Variants in DMD observed in about 807,000 individuals in gnomAD.
The protein encoded by DMD is mutant dystrophin.
In DMD, 63 loss-of-function variants were observed where a neutral mutation model predicts 330.1. The observed-to-expected ratio is 0.19, with a 90% CI of 0.16 to 0.24. The LOEUF is 0.24. DMD is among the 10% of genes least tolerant of loss of function. The pLI is 1.00. For missense variants in DMD, 3,344 were observed against 2,684.1 expected (o/e 1.25, Z -5.43); for synonymous variants, 1,223 against 959.8 (o/e 1.27, Z -5.07).
At chrX:32,079,868 G>A (rs1032214902) in intron 44 of DMD, among the ~76,000 whole-genome samples, 4 of 111,806 alleles carry the variant, frequency 3.6e-5, no homozygotes, top group Admixed American at 2.9e-4. Context: ...AAAATTGCAC[G>A]TCCTGTAATA....
chrX:33,093,954 C>T (rs1474174160), intron 1 of DMD, among the ~76,000 whole-genome samples: 1 of 111,343 alleles, frequency 9.0e-6, no homozygotes, highest in African/African-American at 3.3e-5. Flanking sequence ...AAGTTCAGAA[C>T]ATCAAAAAGA....
chrX:32,787,319 C>CT (rs758315208), intron 7 of DMD, among the ~76,000 whole-genome samples: 3 of 107,451 alleles, frequency 2.8e-5, no homozygotes, highest in Non-Finnish European at 3.8e-5. Context: ...TAGTATAAAT[C>CT]TTTTATGAAA....
intron 48 of DMD, 78 bp downstream of exon 48, chrX:31,875,110 A>T: frequency 1.1e-6 from 1 of 891,406 alleles, no homozygotes; most frequent in Non-Finnish European, 1.6e-6. Context: ...TTTAATAATG[A>T]TACCAAATGA....
intron 53 of DMD, 80 bp from the exon 54 acceptor site, chrX:31,658,224 T>C (rs1285464152): frequency 1.9e-6 from 2 of 1,049,050 alleles, no homozygotes; most frequent in Non-Finnish European, 1.3e-6. Flanking sequence ...AAATACTTCG[T>C]AAACAGCTTC....
intron 60 of DMD, among the ~76,000 whole-genome samples, chrX:31,372,671 C>T (rs1044115608): frequency 2.7e-5 from 3 of 111,276 alleles, no homozygotes; most frequent in Non-Finnish European, 3.8e-5. Flanking sequence ...TGGGACATAT[C>T]TCAAAATAAT....
chrX:32,451,846 G>A (rs186954540), intron 26 of DMD, among the ~76,000 whole-genome samples: 2 of 110,616 alleles, frequency 1.8e-5, no homozygotes, highest in East Asian at 2.9e-4. Context: ...AAATCTTCCT[G>A]CCAACTCTTC....
intron 44 of DMD, among the ~76,000 whole-genome samples, chrX:32,128,249 A>C (rs980553279): frequency 8.9e-6 from 1 of 112,210 alleles, no homozygotes; most frequent in African/African-American, 3.2e-5. Flanking sequence ...TCAATAAAAC[A>C]TGTTTGTTTA....
intron 64 of DMD, among the ~76,000 whole-genome samples, chrX:31,212,562 T>C (rs1185428555): frequency 4.5e-5 from 5 of 111,566 alleles, no homozygotes; most frequent in African/African-American, 1.6e-4. Context: ...AAAAGCTCAT[T>C]CTTTTCCTTT....
intron 16 of DMD, among the ~76,000 whole-genome samples, chrX:32,554,108 A>G (rs1277426604): frequency 8.9e-6 from 1 of 112,369 alleles, no homozygotes; most frequent in Non-Finnish European, 1.9e-5. Flanking sequence ...GAGACAATTT[A>G]TCAGAATCTC....
At position 32,485,011 on chromosome X, in the gene DMD, G is replaced by T; in HGVS notation, c.2711C>A (p.Pro904His). 4 of 1,211,081 alleles carry T rather than the reference G, an allele frequency of 3.3e-6. No homozygotes were observed. Among genetic ancestry groups the T allele is most frequent in the Non-Finnish European group, 4.5e-6 (4 of 895,019 alleles). The change falls in exon 21 of 79, where the codon CCC becomes CAC. Residue 904 changes from proline to histidine, a missense_variant. Coordinates refer to ENST00000357033, the MANE Select transcript of DMD (RefSeq NM_004006.3). ...CACAAAGTCTGCATCCAGGAACATG[G>T]GTCCTTGTCCTTTCTCTTTCAGGGC... ...SIALKEKGQG[P>H]MFLDADFVAF...
chrX:31,319,730 T>A (rs1271120075), intron 62 of DMD, among the ~76,000 whole-genome samples: 1 of 112,474 alleles, frequency 8.9e-6, no homozygotes, highest in Non-Finnish European at 1.9e-5. Context: ...TATTATGACA[T>A]CTATACTGGA....
At chrX:31,158,995 T>G (rs902611268) in intron 74 of DMD, among the ~76,000 whole-genome samples, 3 of 111,920 alleles carry the variant, frequency 2.7e-5, no homozygotes, top group Non-Finnish European at 5.6e-5. Context: ...TAAGGGATTT[T>G]GGGAAAGAAA....
intron 52 of DMD, among the ~76,000 whole-genome samples, chrX:31,728,317 G>A (rs1292207800): frequency 3.6e-5 from 4 of 112,255 alleles, no homozygotes; most frequent in Non-Finnish European, 5.6e-5. Flanking sequence ...GAGCCACCGC[G>A]CCCGGCCGAG....
chrX:33,235,110 A>G (rs1335170343), intron 1 of DMD, among the ~76,000 whole-genome samples: 1 of 111,970 alleles, frequency 8.9e-6, no homozygotes, highest in East Asian at 2.8e-4. Context: ...AACTAAGAGA[A>G]TTACGTTAAG....
chrX:32,137,264 C>T (rs1313989642), intron 44 of DMD, among the ~76,000 whole-genome samples: 1 of 110,577 alleles, frequency 9.0e-6, no homozygotes, highest in Non-Finnish European at 1.9e-5. Context: ...GCCTCCTTTA[C>T]AAAAAAAAGT....
intron 41 of DMD, among the ~76,000 whole-genome samples, chrX:32,324,824 G>A (rs1450670772): frequency 9.0e-6 from 1 of 111,682 alleles, no homozygotes; most frequent in East Asian, 2.8e-4. Context: ...TGTGCACACT[G>A]GAAAAAGCAT....
At chrX:33,162,747 T>A (rs886183550) in intron 1 of DMD, among the ~76,000 whole-genome samples, 1 of 110,396 alleles carries the variant, frequency 9.1e-6, no homozygotes, top group Non-Finnish European at 1.9e-5. Flanking sequence ...CTGATCTCTG[T>A]TTTTATGCTG....
chrX:32,841,785 G>C (rs999001662), intron 4 of DMD, among the ~76,000 whole-genome samples: 5 of 111,531 alleles, frequency 4.5e-5, no homozygotes, highest in Non-Finnish European at 7.5e-5. Flanking sequence ...GCTTTGGGTA[G>C]GCCAGTATTT....
At chrX:32,811,159 C>T (rs1168754026) in intron 6 of DMD, among the ~76,000 whole-genome samples, 1 of 102,601 alleles carries the variant, frequency 9.7e-6, no homozygotes, top group Non-Finnish European at 1.9e-5. Context: ...CATAGTGAGA[C>T]CTGGTCTCTA....
Sources: gnomAD v4.1 joint callset for allele counts (sites outside exome capture counted in the v4.1 genomes callset) on GRCh38, gnomAD v4.1.1 for gene constraint, MANE v1.5 for transcripts, NCBI Gene and HGNC (gene_info 2026-07-23, HGNC 2026-07-21) for gene names.